The following FMNL2 variants were observed in gnomAD, a reference collection of about 807,000 sequenced individuals.
FMNL2 encodes formin-like protein 2.
A neutral mutation model predicts 130.2 loss-of-function variants in FMNL2; 51 were observed. The ratio of observed to expected loss-of-function variants is 0.39; its 90% CI spans 0.31 to 0.49. The LOEUF (loss-of-function observed/expected upper bound fraction) is 0.49, where lower values mean the gene tolerates loss of function less well. Ranked by LOEUF, FMNL2 falls within the 20% of genes least tolerant of loss-of-function variation. The pLI is 0.85. For missense variants in FMNL2, 977 were observed against 1,316.2 expected, an observed-to-expected ratio of 0.74 and a Z score of 3.99; for synonymous variants, 465 against 467.1, an observed-to-expected ratio of 1.00 and a Z score of 0.06.
Position 152,502,156 on chromosome 2 carries a change from A to T in FMNL2, c.118-19787A>T, listed in dbSNP as rs1024897149. Among the ~76,000 whole-genome samples the T allele has an allele frequency of 5.3e-5, 8 of 152,272 alleles. No individual in the cohort carries two copies. In the East Asian group the frequency reaches 1.5e-3, roughly 29 times the overall value. On this transcript the variant is annotated intron_variant, in intron 1 of 25. Coordinates refer to ENST00000288670, the MANE Select transcript of FMNL2 (RefSeq NM_052905.4). Reference sequence around the variant, plus strand: ...GGCGCTAACAGAGTTTTGCTTGAGGATGTGCTTATCTGATTCTCTCTTCCC... The same window carrying T: ...GGCGCTAACAGAGTTTTGCTTGAGGTTGTGCTTATCTGATTCTCTCTTCCC...
chr2:152,383,301 TA>T (rs1684591034), intron 1 of FMNL2, among the ~76,000 whole-genome samples: 2 of 134,264 alleles, frequency 1.5e-5, no homozygotes, highest in South Asian at 5.1e-4. Flanking sequence ...TTTTGTAGTT[TA>T]GGGGGCAATA....
chr2:152,522,465 T>C lies in FMNL2; in HGVS notation c.201+439T>C, dbSNP rs908332717. 2.6e-5 allele frequency among the ~76,000 whole-genome samples: 4 copies of C among 152,340 alleles called. No homozygotes were observed. In the East Asian group the frequency reaches 7.7e-4, roughly 29 times the overall value. ...CTTAAAAGATTCAGAGAAAGTTATA[T>C]CAAGTTGATATGGTTTGGCTGTGTC... is the stretch of plus-strand genomic sequence containing the variant. On this transcript the variant is annotated intron_variant, in intron 2 of 25. Transcript: ENST00000288670.
At chr2:152,415,557 G>A (rs1471835717) in intron 1 of FMNL2, among the ~76,000 whole-genome samples, 1 of 152,110 alleles carries the variant, frequency 6.6e-6, no homozygotes, top group Non-Finnish European at 1.5e-5. Flanking sequence ...TTAGAATCTA[G>A]GCATACCTCA....
In FMNL2 at chr2:152,390,097, A is replaced by C. The variant is rs1324597898; in HGVS notation, c.117+54377A>C. 4 of 1,425,012 alleles carry C rather than the reference A, an allele frequency of 2.8e-6. No homozygotes were observed. The African/African-American group carries it at 5.6e-5, about 20-fold the overall frequency. The allele number at this position is 1,425,012 out of a possible 1,614,324, so 88.3% of individuals were successfully genotyped here. A position where few individuals can be genotyped will look rare whatever the true frequency, so the allele number is the denominator to read the frequency against. On this transcript the variant is annotated intron_variant, in intron 1 of 25. Transcript: ENST00000288670. ...AAGCAGGAGAAGAAGGAGGAAGATG[A>C]GGAGGACAAAGGAAAACTGAAGCCC... is the stretch of plus-strand genomic sequence containing the variant.
chr2:152,413,865 C>G (rs1173063085), intron 1 of FMNL2, among the ~76,000 whole-genome samples: 1 of 152,204 alleles, frequency 6.6e-6, no homozygotes, highest in Non-Finnish European at 1.5e-5. Context: ...GCTTGGCAGA[C>G]TCCTCCTTGT....
At chr2:152,423,212 A>G (rs11696004) in intron 1 of FMNL2, among the ~76,000 whole-genome samples, 23,559 of 152,208 alleles carry the variant, frequency 0.15, 2,005 homozygotes, top group Middle Eastern at 0.32. Context: ...ATTTTAATCA[A>G]ACAATATAGC....
In FMNL2 at chr2:152,637,653, C is replaced by T. The variant is rs1682736246; in HGVS notation, c.2925C>T (p.Val975=). The change falls in exon 23 of 26, where the codon GTC becomes GTT. Residue 975 remains valine, a synonymous_variant. Transcript: ENST00000288670. The part of the protein sequence containing the change: ...TPPSVFFPVF[V]RFVKAYKQAE... ...CCTCTGTCTTCTTTCCTGTCTTTGT[C>T]CGGTTTGTGAAAGCATATAAGGTAT... 3 of 1,613,826 alleles carry T rather than the reference C, an allele frequency of 1.9e-6. No homozygotes were observed. The highest frequency in any genetic ancestry group is 2.5e-6 in the Non-Finnish European group (3 of 1,179,872).
chr2:152,415,017 A>T (rs1686527007), intron 1 of FMNL2, among the ~76,000 whole-genome samples: 2 of 152,320 alleles, frequency 1.3e-5, no homozygotes, highest in South Asian at 4.1e-4. Flanking sequence ...TTATCAAAAT[A>T]TCACAAAATT....
chr2:152,555,346 A>G (rs943365360), intron 4 of FMNL2, among the ~76,000 whole-genome samples: 3 of 152,028 alleles, frequency 2.0e-5, no homozygotes, highest in African/African-American at 7.3e-5. Flanking sequence ...GCTTTTCATG[A>G]TTTTTCATCA....
intron 1 of FMNL2, among the ~76,000 whole-genome samples, chr2:152,459,120 A>T (rs1689105929): frequency 6.6e-6 from 1 of 152,168 alleles, no homozygotes; most frequent in African/African-American, 2.4e-5. Flanking sequence ...CAGGGACTTT[A>T]TGCAGATTAT....
rs1361848280 is a variant in FMNL2, at chr2:152,470,104, T to C, written c.118-51839T>C. 4.6e-5 allele frequency among the ~76,000 whole-genome samples: 7 copies of C among 152,202 alleles called. No homozygotes were observed. The East Asian group carries it at 1.3e-3, about 29-fold the overall frequency. On this transcript the variant is annotated intron_variant, in intron 1 of 25. Coordinates refer to ENST00000288670, the MANE Select transcript of FMNL2 (RefSeq NM_052905.4). ...TATTTCTTTTAAAATTTCAAATAGA[T>C]TTGAATAACTTAGCTTAAAAGATAG...
chr2:152,538,981 G>A (rs536486057), intron 2 of FMNL2, among the ~76,000 whole-genome samples: 1 of 152,206 alleles, frequency 6.6e-6, no homozygotes, highest in East Asian at 1.9e-4. Context: ...CTAAATATTA[G>A]AATTTTAGAT....
chr2:152,452,860 C>T (rs1481223195), intron 1 of FMNL2, among the ~76,000 whole-genome samples: 2 of 143,446 alleles, frequency 1.4e-5, no homozygotes, highest in East Asian at 1.9e-4. Flanking sequence ...GCTCTCAGTC[C>T]AAGTATAAAC....
Position 152,619,564 on chromosome 2 carries a change from A to AG in FMNL2, c.1683_1684insG (p.Pro562AlafsTer19). On this transcript the variant is annotated frameshift_variant, in exon 15 of 26. Coordinates refer to ENST00000288670, the MANE Select transcript of FMNL2 (RefSeq NM_052905.4). LOFTEE classifies it high-confidence loss of function. The stretch of plus-strand genomic sequence containing the variant: ...CACCGCCGCCGCCGCCCCCTCCTCC[A>AG]CCTCCTCCTCCCCCACCGCCCCCTC... 1 of 709,540 alleles carries AG rather than the reference A, an allele frequency of 1.4e-6. No homozygotes were observed. Among genetic ancestry groups the AG allele is most frequent in the Non-Finnish European group, 1.9e-6 (1 of 536,744 alleles). The allele number at this position is 709,540 out of a possible 1,614,324, so 44.0% of individuals were successfully genotyped here.
intron 1 of FMNL2, among the ~76,000 whole-genome samples, chr2:152,412,233 G>A (rs1460629917): frequency 6.6e-6 from 1 of 151,758 alleles, no homozygotes; most frequent in Admixed American, 6.6e-5. Flanking sequence ...CCTGATGAAA[G>A]TTGCCCTTGT....
intron 1 of FMNL2, among the ~76,000 whole-genome samples, chr2:152,512,653 A>G (rs1692551263): frequency 6.6e-6 from 1 of 152,338 alleles, no homozygotes; most frequent in African/African-American, 2.4e-5. Context: ...CAGTGTGACT[A>G]CTTTAAAACA....
chr2:152,566,435 T>C (rs1250522117), intron 6 of FMNL2, among the ~76,000 whole-genome samples: 7 of 152,286 alleles, frequency 4.6e-5, no homozygotes, highest in Non-Finnish European at 2.9e-5. Flanking sequence ...GTGAGGAAAC[T>C]GGGGCCTGAA....
At chr2:152,600,829 G>A (rs187047390) in intron 9 of FMNL2, among the ~76,000 whole-genome samples, 9 of 152,074 alleles carry the variant, frequency 5.9e-5, no homozygotes, top group Non-Finnish European at 1.0e-4. Context: ...ATCTGTGCAG[G>A]GTATGGGATT....
At chr2:152,503,101 C>T (rs997265690) in intron 1 of FMNL2, among the ~76,000 whole-genome samples, 10 of 152,148 alleles carry the variant, frequency 6.6e-5, no homozygotes, top group East Asian at 3.8e-4. Flanking sequence ...TTACTCATGA[C>T]ACTCGTTCAA....
Sources: gnomAD v4.1 joint callset for allele counts (sites outside exome capture counted in the v4.1 genomes callset) on GRCh38, gnomAD v4.1.1 for gene constraint, MANE v1.5 for transcripts, NCBI Gene and HGNC (gene_info 2026-07-23, HGNC 2026-07-21) for gene names.